The following SORCS1 variants were observed in gnomAD, a reference collection of about 807,000 sequenced individuals.
The protein encoded by SORCS1 is VPS10 domain-containing receptor SorCS1.
In SORCS1, 60 loss-of-function variants were observed where a neutral mutation model predicts 146.1. The observed-to-expected ratio is 0.41, with a 90% CI of 0.33 to 0.51. The LOEUF is 0.51. Ranked by LOEUF, SORCS1 falls within the 20% of genes least tolerant of loss-of-function variation. The probability of loss-of-function intolerance (pLI) is 0.21; values close to 1 mark genes in which losing one functional copy is unlikely to be tolerated. For missense variants in SORCS1, 1,352 were observed against 1,487.6 expected (o/e 0.91, Z 1.50); for synonymous variants, 637 against 584.0 (o/e 1.09, Z -1.31).
At chr10:107,087,455 T>C (rs1207098760) in intron 1 of SORCS1, among the ~76,000 whole-genome samples, 5 of 152,258 alleles carry the variant, frequency 3.3e-5, no homozygotes, top group African/African-American at 7.2e-5. Context: ...CTACGTTGAT[T>C]GGTTCTATTA....
intron 17 of SORCS1, among the ~76,000 whole-genome samples, chr10:106,657,253 A>C (rs1031929118): frequency 6.6e-6 from 1 of 152,174 alleles, no homozygotes; most frequent in Non-Finnish European, 1.5e-5. Flanking sequence ...GTGTACATAC[A>C]CCATGGAATA....
intron 1 of SORCS1, among the ~76,000 whole-genome samples, chr10:107,063,430 T>C (rs1961430016): frequency 6.6e-6 from 1 of 152,172 alleles, no homozygotes; most frequent in African/African-American, 2.4e-5. Flanking sequence ...GCAGGACAAA[T>C]CATTTAAAAT....
intron 3 of SORCS1, among the ~76,000 whole-genome samples, chr10:106,778,218 T>G (rs1860611638): frequency 6.6e-6 from 1 of 152,126 alleles, no homozygotes; most frequent in Non-Finnish European, 1.5e-5. Context: ...TTCCTTGCTG[T>G]TCTTTCAACC....
At chr10:107,127,556 T>G (rs921355028) in intron 1 of SORCS1, among the ~76,000 whole-genome samples, 3 of 152,196 alleles carry the variant, frequency 2.0e-5, no homozygotes, top group Non-Finnish European at 2.9e-5. Flanking sequence ...GGAAATGGGA[T>G]CATGTTCCTG....
At chr10:107,105,430 C>A (rs192666789) in intron 1 of SORCS1, among the ~76,000 whole-genome samples, 11 of 152,276 alleles carry the variant, frequency 7.2e-5, no homozygotes, top group African/African-American at 2.6e-4. Flanking sequence ...CCACAACAGG[C>A]CATCTGCAAG....
chr10:106,695,901 CA>C (rs1393567288), intron 9 of SORCS1, among the ~76,000 whole-genome samples: 3 of 152,196 alleles, frequency 2.0e-5, no homozygotes, highest in Admixed American at 6.5e-5. Context: ...TCCACACACA[CA>C]CATAGTTCTA....
chr10:106,616,445 A>G (rs1423816180), intron 21 of SORCS1, among the ~76,000 whole-genome samples: 1 of 152,096 alleles, frequency 6.6e-6, no homozygotes, highest in Admixed American at 6.6e-5. Flanking sequence ...GTTATTCATC[A>G]CTCTGAAAAA....
intron 16 of SORCS1, among the ~76,000 whole-genome samples, chr10:106,668,872 C>A (rs550955817): frequency 6.6e-6 from 1 of 152,180 alleles, no homozygotes; most frequent in African/African-American, 2.4e-5. Context: ...CAGGAGAGGG[C>A]CAAACCAAGG....
chr10:106,665,395 T>C (rs1365818898), intron 17 of SORCS1, among the ~76,000 whole-genome samples: 1 of 151,284 alleles, frequency 6.6e-6, no homozygotes, highest in Non-Finnish European at 1.5e-5. Context: ...TCTCTTTTTT[T>C]TTTTTTTTAA....
Position 106,943,999 on chromosome 10 carries a change from C to T in SORCS1, c.626+12514G>A, listed in dbSNP as rs529177925. ...AACTCACCCAACAACTGGTCCTGTG[C>T]TTCTTTCCCTTACAAAATCTATTAA... On this transcript the variant is annotated intron_variant, in intron 2 of 25. Coordinates refer to ENST00000263054, the MANE Select transcript of SORCS1 (RefSeq NM_052918.5). Among the ~76,000 whole-genome samples the T allele has an allele frequency of 5.3e-5, 8 of 152,268 alleles. No homozygotes were observed. The East Asian group carries it at 1.3e-3, about 26-fold the overall frequency.
At chr10:106,696,510 C>G (rs549310760) in intron 9 of SORCS1, among the ~76,000 whole-genome samples, 1 of 152,260 alleles carries the variant, frequency 6.6e-6, no homozygotes, top group Non-Finnish European at 1.5e-5. Flanking sequence ...GCTAATAAAA[C>G]AAAGACTCCT....
intron 5 of SORCS1, among the ~76,000 whole-genome samples, chr10:106,750,124 C>T (rs1858040747): frequency 6.6e-6 from 1 of 152,150 alleles, no homozygotes; most frequent in Admixed American, 6.5e-5. Context: ...AAGTAAACTC[C>T]TCCTAATAAA....
intron 1 of SORCS1, among the ~76,000 whole-genome samples, chr10:106,988,546 T>A (rs1464377531): frequency 1.3e-5 from 2 of 149,140 alleles, no homozygotes; most frequent in Admixed American, 1.3e-4. Context: ...TATTCTTACT[T>A]TTTTTTTTTA....
chr10:107,149,622 G>A (rs974674779), intron 1 of SORCS1, among the ~76,000 whole-genome samples: 74 of 152,202 alleles, frequency 4.9e-4, no homozygotes, highest in African/African-American at 1.7e-3. Context: ...GCACGTGCAT[G>A]CGCATTCTTG....
chr10:106,818,417 G>A (rs911310409), intron 3 of SORCS1, among the ~76,000 whole-genome samples: 1 of 150,758 alleles, frequency 6.6e-6, no homozygotes, highest in Admixed American at 6.6e-5. Context: ...CCAGGCTGGA[G>A]TGCAGTGGCG....
chr10:107,178,244 C>A, the SORCS1 span, among the ~76,000 whole-genome samples: 8 of 152,116 alleles, frequency 5.3e-5, no homozygotes, highest in Non-Finnish European at 1.2e-4. Flanking sequence ...GAACTTACTC[C>A]TGTGTAGCTG....
intron 6 of SORCS1, among the ~76,000 whole-genome samples, chr10:106,719,692 T>A (rs950079927): frequency 2.0e-5 from 3 of 152,220 alleles, no homozygotes; most frequent in Non-Finnish European, 4.4e-5. Context: ...GTTACAGGCA[T>A]GAGCCACTGC....
chr10:106,705,110 AC>A (rs936925116), intron 8 of SORCS1, among the ~76,000 whole-genome samples: 2 of 152,178 alleles, frequency 1.3e-5, no homozygotes, highest in African/African-American at 4.8e-5. Flanking sequence ...GAAAAAAAAA[AC>A]AAACACTTAA....
intron 1 of SORCS1, among the ~76,000 whole-genome samples, chr10:106,989,279 A>AGG (rs1956637490): frequency 7.1e-6 from 1 of 140,288 alleles, no homozygotes; most frequent in Admixed American, 7.4e-5. Context: ...CAGAAAAAAA[A>AGG]AAAAAAAAAA....
Sources: allele counts gnomAD v4.1 joint callset (sites outside exome capture counted in the v4.1 genomes callset), GRCh38; gene constraint gnomAD v4.1.1; transcripts MANE v1.5; gene names NCBI Gene and HGNC (gene_info 2026-07-23, HGNC 2026-07-21).